The following ASTN2 variants were observed in gnomAD, a reference collection of about 807,000 sequenced individuals.
ASTN2 encodes the protein astrotactin 2.
Under a neutral mutation model 139.8 loss-of-function variants are expected in ASTN2, and 54 were observed. The observed-to-expected ratio is 0.39, with a 90% confidence interval of 0.31 to 0.48. ASTN2 has a LOEUF of 0.48. Among genes scored for constraint, ASTN2 ranks in the 20% least tolerant of loss-of-function variants. ASTN2 has a pLI of 0.95. For synonymous variants in ASTN2, 756 were observed against 719.5 expected, an observed-to-expected ratio of 1.05 and a Z score of -0.81; for missense variants, 1,565 against 1,725.1, an observed-to-expected ratio of 0.91 and a Z score of 1.64.
intron 19 of ASTN2, chr9:116,583,788 C>T (rs1339103305): frequency 6.6e-6 from 1 of 152,044 alleles, no homozygotes; most frequent in African/African-American, 2.4e-5. Flanking sequence ...GTGCATAACT[C>T]GAGGCAGACA....
At chr9:116,608,942 A>T in intron 19 of ASTN2, among the ~76,000 whole-genome samples, 1 of 152,190 alleles carries the variant, frequency 6.6e-6, no homozygotes. Context: ...TGAAAATTAC[A>T]ATGTCCAAGA....
In ASTN2 at chr9:117,180,669, G is replaced by A. The variant is rs948880706; in HGVS notation, c.1015+33689C>T. 4.0e-6 allele frequency: 6 copies of A among 1,499,674 alleles called. No individual in the cohort carries two copies. In the African/African-American group the frequency reaches 8.6e-5, roughly 22 times the overall value. 92.9% of individuals were successfully genotyped at this position (1,499,674 alleles called of 1,614,324 possible). On this transcript the variant is annotated intron_variant, in intron 3 of 22. Transcript: ENST00000313400. ...TGGACAGGAAGTAGAATTTATTGGT[G>A]AGTATTAAGAGGGGGCAGCACAGTG...
At chr9:117,022,895 T>C (rs113232219) in intron 6 of ASTN2, among the ~76,000 whole-genome samples, 4 of 152,036 alleles carry the variant, frequency 2.6e-5, no homozygotes, top group African/African-American at 9.7e-5. Flanking sequence ...AGACCACCTG[T>C]CCCGGGTTCT....
chr9:116,494,597 A>C (rs1023769115), intron 19 of ASTN2, among the ~76,000 whole-genome samples: 7 of 152,202 alleles, frequency 4.6e-5, no homozygotes, highest in South Asian at 2.1e-4. Flanking sequence ...TAAAAATGTT[A>C]TTTGGCTTTT....
At chr9:117,025,292 G>GA (rs1328387981) in intron 6 of ASTN2, among the ~76,000 whole-genome samples, 1 of 152,136 alleles carries the variant, frequency 6.6e-6, no homozygotes, top group Non-Finnish European at 1.5e-5. Context: ...CTACACTTTA[G>GA]AAAACTGCCA....
chr9:117,388,156 T>G (rs1024580955), intron 1 of ASTN2, among the ~76,000 whole-genome samples: 3 of 152,192 alleles, frequency 2.0e-5, no homozygotes, highest in Non-Finnish European at 4.4e-5. Flanking sequence ...AAATAGGGAT[T>G]TTGAAAACCA....
chr9:116,521,118 T>G (rs1389902445), intron 19 of ASTN2, among the ~76,000 whole-genome samples: 1 of 150,232 alleles, frequency 6.7e-6, no homozygotes, highest in Non-Finnish European at 1.5e-5. Flanking sequence ...CCTATCAAAA[T>G]ACCAACACCA....
intron 16 of ASTN2, among the ~76,000 whole-genome samples, chr9:116,682,542 C>T (rs1365876724): frequency 6.6e-6 from 1 of 152,136 alleles, no homozygotes; most frequent in East Asian, 1.9e-4. Context: ...ACCCAAAGGA[C>T]TATAAATCAT....
chr9:117,180,348 T>C (rs937770642), intron 3 of ASTN2, among the ~76,000 whole-genome samples: 1 of 152,300 alleles, frequency 6.6e-6, no homozygotes, highest in Non-Finnish European at 1.5e-5. Context: ...CACTTGAAAC[T>C]TCTCACAGTT....
intron 19 of ASTN2, among the ~76,000 whole-genome samples, chr9:116,603,017 C>G (rs1232088911): frequency 6.6e-6 from 1 of 152,178 alleles, no homozygotes; most frequent in Non-Finnish European, 1.5e-5. Context: ...ACACTGATGA[C>G]TGATGATACT....
Position 116,496,127 on chromosome 9 carries a change from C to T in ASTN2, c.3356-8627G>A, listed in dbSNP as rs535476013. On this transcript the variant is annotated intron_variant, in intron 19 of 22. Coordinates refer to ENST00000313400, the MANE Select transcript of ASTN2 (RefSeq NM_001365068.1). ...AGGAGCATCCACTATCACCCTTTAC[C>T]CTCTTAACCCATTTATCTTTACAAA... 3.9e-5 allele frequency among the ~76,000 whole-genome samples: 6 copies of T among 152,282 alleles called. No individual in the cohort carries two copies. In the South Asian group the frequency reaches 1.0e-3, roughly 26 times the overall value.
intron 19 of ASTN2, among the ~76,000 whole-genome samples, chr9:116,604,941 G>A (rs552003567): frequency 3.3e-5 from 5 of 152,146 alleles, no homozygotes; most frequent in African/African-American, 9.6e-5. Context: ...TTACCTGGAT[G>A]TAAGTCTAAA....
intron 2 of ASTN2, among the ~76,000 whole-genome samples, chr9:117,277,485 C>T (rs563889443): frequency 6.6e-6 from 1 of 152,244 alleles, no homozygotes; most frequent in East Asian, 1.9e-4. Flanking sequence ...TGGGAATGTA[C>T]ATTGGTACAG....
At chr9:116,912,167 G>A (rs1192655160) in intron 10 of ASTN2, among the ~76,000 whole-genome samples, 1 of 152,216 alleles carries the variant, frequency 6.6e-6, no homozygotes, top group Non-Finnish European at 1.5e-5. Context: ...CAGCTGCAAG[G>A]CAGCCTGGCA....
chr9:116,975,887 T>C (rs983623899), intron 9 of ASTN2, among the ~76,000 whole-genome samples: 1 of 152,222 alleles, frequency 6.6e-6, no homozygotes, highest in Admixed American at 6.5e-5. Flanking sequence ...TAATGTCTCC[T>C]CCAGTTCAAG....
At chr9:116,755,531 C>T (rs944707212) in intron 13 of ASTN2, among the ~76,000 whole-genome samples, 3 of 152,178 alleles carry the variant, frequency 2.0e-5, no homozygotes, top group Non-Finnish European at 4.4e-5. Context: ...AGTGAGGCCT[C>T]GGAAGAAACC....
chr9:116,803,843 G>T (rs1194460435), intron 13 of ASTN2, among the ~76,000 whole-genome samples: 2 of 151,050 alleles, frequency 1.3e-5, no homozygotes, highest in Non-Finnish European at 3.0e-5. Flanking sequence ...AAAAAAAAAA[G>T]TTAGCAGAGA....
chr9:116,773,428 G>T (rs1224419532), intron 13 of ASTN2, among the ~76,000 whole-genome samples: 1 of 152,186 alleles, frequency 6.6e-6, no homozygotes, highest in African/African-American at 2.4e-5. Context: ...GCTGTAGTCA[G>T]GTGGGGAGGT....
chr9:117,096,582 C>T (rs145680186), intron 4 of ASTN2, among the ~76,000 whole-genome samples: 50 of 152,300 alleles, frequency 3.3e-4, no homozygotes, highest in South Asian at 6.2e-4. Flanking sequence ...ATTTTAACCA[C>T]ATTTCAATAA....
Sources: allele counts gnomAD v4.1 joint callset (sites outside exome capture counted in the v4.1 genomes callset), GRCh38; gene constraint gnomAD v4.1.1; transcripts MANE v1.5; gene names NCBI Gene and HGNC (gene_info 2026-07-23, HGNC 2026-07-21).